Variants in KRT73 observed in about 807,000 individuals in gnomAD.
KRT73 encodes the protein keratin, type II cytoskeletal 73.
KRT73 carries 44 observed loss-of-function variants against 47.2 expected under a neutral mutation model. The ratio of observed to expected loss-of-function variants is 0.93; its 90% CI spans 0.73 to 1.20. The LOEUF (loss-of-function observed/expected upper bound fraction) is 1.20. Ranked by LOEUF, KRT73 falls within the 50% of genes most tolerant of loss-of-function variation. The pLI, the probability that KRT73 is intolerant of heterozygous loss-of-function variation, is 0.00. For synonymous variants in KRT73, 285 were observed against 291.3 expected (o/e 0.98, Z 0.22); for missense variants, 713 against 704.5 (o/e 1.01, Z -0.14).
chr12:52,609,429 A>C (rs1003962721), intron 7 of KRT73, 148 bp from the exon 8 acceptor site: 4 of 716,082 alleles, frequency 5.6e-6, no homozygotes, highest in Non-Finnish European at 1.0e-5. Context: ...CTGCCCTTGC[A>C]TGTCTCTAAG....
intron 5 of KRT73, 194 bp from the exon 6 acceptor site, chr12:52,611,523 A>G: frequency 1.6e-6 from 1 of 613,078 alleles, no homozygotes; most frequent in Non-Finnish European, 2.8e-6. Flanking sequence ...AGCTGATCTC[A>G]TGGATGGTTA....
intron 7 of KRT73, chr12:52,610,062 CTGTTTGTT>C (rs61285190): frequency 0.054 from 8,584 of 158,610 alleles, 597 homozygotes; most frequent in Admixed American, 0.15. Context: ...TGTGTTTTGT[CTGTTTGTT>C]TGTTTGTTTG....
At chr12:52,628,638 G>A in the KRT73 span, among the ~76,000 whole-genome samples, 3 of 152,194 alleles carry the variant, frequency 2.0e-5, no homozygotes, top group African/African-American at 7.2e-5. Context: ...AGAGATAGGA[G>A]AAGAGCTCTT....
In KRT73 at chr12:52,610,684, A is replaced by G. The variant is rs778293073; in HGVS notation, c.1262T>C (p.Leu421Ser). The G allele has an allele frequency of 6.2e-7, 1 of 1,613,896 alleles. No homozygotes were observed. The highest frequency in any genetic ancestry group is 2.2e-5 in the East Asian group (1 of 44,848). The change falls in exon 7 of 9, where the codon TTG (leucine) becomes TCG (serine). Residue 421 changes from leucine (L) to serine (S), a missense_variant. Coordinates refer to ENST00000305748, the MANE Select transcript of KRT73 (RefSeq NM_175068.3). Reference protein sequence around the residue: ...ARMLREYQELLSVKLSLDIEI... With the variant: ...ARMLREYQELSSVKLSLDIEI... The stretch of plus-strand genomic sequence containing the variant: ...AATATCCAGGGACAGCTTCACGCTC[A>G]AAAGCTCTTGGTACTCGCGCAGCAT...
At chr12:52,629,658 T>C in the KRT73 span, among the ~76,000 whole-genome samples, 120,458 of 152,222 alleles carry the variant, frequency 0.79, 48,587 homozygotes, top group African/African-American at 0.95. Flanking sequence ...TGTAGAGCAG[T>C]TCATGTTGTT....
At position 52,618,419 on chromosome 12, in the gene KRT73, C is replaced by T; in HGVS notation, c.106G>A (p.Gly36Ser). ...CTGAAGCCTCCACTGAGCCCTTTGC[C>T]CCCTGCTCGGTAGGAGGATGAGCTG... The part of the protein sequence containing the change: ...GGSSSSYRAG[G>S]KGLSGGFSSR... Residue 36 changes from glycine (G) to serine (S), a missense_variant, in exon 1 of 9, where the codon GGC (glycine) becomes AGC (serine). Transcript: ENST00000305748. 2.5e-6 allele frequency: 4 copies of T among 1,614,156 alleles called. No individual in the cohort carries two copies. The highest frequency in any genetic ancestry group is 3.4e-6 in the Non-Finnish European group (4 of 1,180,020).
chr12:52,609,288 G>C lies in KRT73; in HGVS notation c.1332-7C>G. On this transcript the variant is annotated splice_region_variant and splice_polypyrimidine_tract_variant and intron_variant, in intron 7 of 8. Transcript: ENST00000305748. ...GGTATATTCTCCGGACATCCTGCAA[G>C]AGAGAAAAGCACAGGAGAGTCTGAA... 1 of 1,613,142 alleles carries C rather than the reference G, an allele frequency of 6.2e-7. No homozygotes were observed. Among genetic ancestry groups the C allele is most frequent in the Non-Finnish European group, 8.5e-7 (1 of 1,179,152 alleles).
At chr12:52,621,168 A>T, upstream of KRT73, among the ~76,000 whole-genome samples, 1 of 151,838 alleles carries the variant, frequency 6.6e-6, no homozygotes, top group East Asian at 1.9e-4. Context: ...GGGGAAACTC[A>T]ATGCCAGATG....
Position 52,617,388 on chromosome 12 carries a change from C to G in KRT73, c.447+690G>C, listed in dbSNP as rs1391502726. Among the ~76,000 whole-genome samples the G allele has an allele frequency of 1.3e-5, 2 of 152,230 alleles. 1 individual carries two copies. Among genetic ancestry groups the G allele is most frequent in the Non-Finnish European group, 2.9e-5 (2 of 68,038 alleles). On this transcript the variant is annotated intron_variant, in intron 1 of 8. Coordinates refer to ENST00000305748, the MANE Select transcript of KRT73 (RefSeq NM_175068.3). ...GGTGCTGGGCCCTGCTGCAGAGTCT[C>G]TGATTCAGTTGCTCTGGGGTGGAGC...
At chr12:52,624,592 A>G in the KRT73 span, among the ~76,000 whole-genome samples, 1 of 152,122 alleles carries the variant, frequency 6.6e-6, no homozygotes, top group African/African-American at 2.4e-5. Flanking sequence ...AACTGAATGT[A>G]AACAAAGGAA....
chr12:52,620,909 C>T (rs61929573), upstream of KRT73, among the ~76,000 whole-genome samples: 11,014 of 152,148 alleles, frequency 0.072, 591 homozygotes, highest in African/African-American at 0.16. Context: ...TCTTTCCTAA[C>T]GGCCAGAAAT....
chr12:52,614,830 G>A, intron 3 of KRT73, 156 bp from the exon 4 acceptor site: 3 of 599,180 alleles, frequency 5.0e-6, no homozygotes, highest in Non-Finnish European at 8.8e-6. Context: ...TTCACTGTCA[G>A]ACTCACTGCG....
intron 4 of KRT73, 184 bp downstream of exon 4, chr12:52,614,395 G>T: frequency 1.9e-6 from 1 of 535,826 alleles, no homozygotes; most frequent in South Asian, 2.7e-5. Context: ...ACATCCTCAG[G>T]GCAGTCAGGG....
chr12:52,610,529 G>GCCTCCCCCCCCC, intron 7 of KRT73, 86 bp downstream of exon 7: 1 of 295,156 alleles, frequency 3.4e-6, no homozygotes, highest in Non-Finnish European at 6.8e-6. Context: ...CCAGCTCGCC[G>GCCTCCCCCCCCC]CCCCCTCCCC....
rs1437854623 is a variant in KRT73, at chr12:52,616,213, G to T, written c.615C>A (p.Asp205Glu). The change falls in exon 2 of 9, where the codon GAC becomes GAA. Residue 205 changes from aspartate to glutamate, a missense_variant. By Grantham distance (45) the Asp-to-Glu change is conservative. Coordinates refer to ENST00000305748, the MANE Select transcript of KRT73 (RefSeq NM_175068.3). ...CTTCGCGCACGCTCCTCAGCTCCGAGTCCAGCCTCACCCTGTCCCCAGACA... is the reference window on the plus strand; with the variant it reads ...CTTCGCGCACGCTCCTCAGCTCCGATTCCAGCCTCACCCTGTCCCCAGACA... ...ETLSGDRVRL[D>E]SELRSVREVV... 4.3e-6 allele frequency: 7 copies of T among 1,614,160 alleles called. No homozygotes were observed. The highest frequency in any genetic ancestry group is 3.4e-6 in the Non-Finnish European group (4 of 1,180,028).
chr12:52,628,195 T>G, the KRT73 span, among the ~76,000 whole-genome samples: 1 of 152,116 alleles, frequency 6.6e-6, no homozygotes, highest in East Asian at 1.9e-4. Context: ...CATTTCAAAC[T>G]AGACTCTGCC....
chr12:52,611,551 T>A, intron 5 of KRT73: 1 of 561,652 alleles, frequency 1.8e-6, no homozygotes, highest in Non-Finnish European at 3.2e-6. Flanking sequence ...CCATAAGGAC[T>A]GTTGAATGTC....
the KRT73 span, among the ~76,000 whole-genome samples, chr12:52,628,016 A>G: frequency 6.6e-6 from 1 of 152,192 alleles, no homozygotes; most frequent in East Asian, 1.9e-4. Context: ...TAAAGTTTCC[A>G]AACAGAATAA....
intron 8 of KRT73, among the ~76,000 whole-genome samples, chr12:52,608,676 C>T (rs539483691): frequency 6.6e-6 from 1 of 152,352 alleles, no homozygotes; most frequent in South Asian, 2.1e-4. Flanking sequence ...TATGAACAAA[C>T]AGGAGTAGCA....
Sources: gnomAD v4.1 joint callset for allele counts (sites outside exome capture counted in the v4.1 genomes callset) on GRCh38, gnomAD v4.1.1 for gene constraint, MANE v1.5 for transcripts, NCBI Gene and HGNC (gene_info 2026-07-23, HGNC 2026-07-21) for gene names.